The following SLC25A48 variants were observed in gnomAD, a reference collection of about 807,000 sequenced individuals.
SLC25A48 encodes solute carrier family 25 member 48, also known as CTC-321K16.1.
In SLC25A48, 29 loss-of-function variants were observed where a neutral mutation model predicts 32.2. That is an observed-to-expected ratio of 0.90 (90% CI 0.67 to 1.23). The LOEUF is 1.23. SLC25A48 is among the 50% of genes most tolerant of loss of function. The probability of loss-of-function intolerance (pLI) is 0.00; values close to 1 mark genes in which losing one functional copy is unlikely to be tolerated. For synonymous variants in SLC25A48, 164 were observed against 172.3 expected, an observed-to-expected ratio of 0.95 and a Z score of 0.38; for missense variants, 399 against 422.7, an observed-to-expected ratio of 0.94 and a Z score of 0.49.
intron 4 of SLC25A48, among the ~76,000 whole-genome samples, chr5:135,853,917 A>G (rs968656896): frequency 1.9e-4 from 29 of 152,182 alleles, no homozygotes; most frequent in African/African-American, 6.8e-4. Context: ...GGAAGTCAAA[A>G]TCACTCCTTG....
upstream of SLC25A48, among the ~76,000 whole-genome samples, chr5:135,830,480 C>T (rs909920927): frequency 6.6e-6 from 1 of 152,216 alleles, no homozygotes; most frequent in Non-Finnish European, 1.5e-5. Context: ...AGCTTTCCCG[C>T]CAGCTGCTTC....
At chr5:135,622,711 T>G (rs1178960927) in intron 1 of SLC25A48, among the ~76,000 whole-genome samples, 1 of 152,270 alleles carries the variant, frequency 6.6e-6, no homozygotes, top group Non-Finnish European at 1.5e-5. Flanking sequence ...TTTTATGTTC[T>G]TTACACATTT....
intron 3 of SLC25A48, among the ~76,000 whole-genome samples, chr5:135,662,372 A>G (rs761154487): frequency 1.3e-5 from 2 of 152,198 alleles, no homozygotes; most frequent in African/African-American, 4.8e-5. Context: ...CAGTCACTGC[A>G]GTCCCCAGAG....
intron 1 of SLC25A48, among the ~76,000 whole-genome samples, chr5:135,607,086 TTCC>T (rs1751954845): frequency 6.6e-6 from 1 of 152,124 alleles, no homozygotes; most frequent in South Asian, 2.1e-4. Flanking sequence ...GTTAACATAT[TTCC>T]TCCTCCTTCT....
chr5:135,592,258 G>A (rs906100843), intron 1 of SLC25A48, among the ~76,000 whole-genome samples: 2 of 152,210 alleles, frequency 1.3e-5, no homozygotes, highest in African/African-American at 2.4e-5. Flanking sequence ...CCTACTAAGC[G>A]CTGAGCCCTT....
At chr5:135,729,915 A>G (rs4976308) in intron 3 of SLC25A48, among the ~76,000 whole-genome samples, 109,510 of 152,064 alleles carry the variant, frequency 0.72, 40,965 homozygotes, top group Middle Eastern at 0.85. Flanking sequence ...GATGTTATAC[A>G]TTCATTATAT....
At chr5:135,854,218 G>A (rs1486565842) in intron 4 of SLC25A48, among the ~76,000 whole-genome samples, 1 of 152,204 alleles carries the variant, frequency 6.6e-6, no homozygotes, top group Non-Finnish European at 1.5e-5. Context: ...AGAATGGTAA[G>A]TGAGCACTGG....
At chr5:135,647,376 G>A (rs190215269) in intron 3 of SLC25A48, among the ~76,000 whole-genome samples, 22 of 152,130 alleles carry the variant, frequency 1.4e-4, no homozygotes, top group African/African-American at 5.1e-4. Flanking sequence ...AGAATCCCAG[G>A]GACAGGAGCT....
chr5:135,876,743 T>C (rs1369142423), intron 6 of SLC25A48, among the ~76,000 whole-genome samples: 1 of 152,216 alleles, frequency 6.6e-6, no homozygotes, highest in Non-Finnish European at 1.5e-5. Flanking sequence ...TGTTTACTTA[T>C]GAACATAAAT....
At chr5:135,707,872 G>C (rs886451257) in intron 3 of SLC25A48, among the ~76,000 whole-genome samples, 1 of 152,176 alleles carries the variant, frequency 6.6e-6, no homozygotes, top group African/African-American at 2.4e-5. Context: ...GCTGGACTCT[G>C]GTGCCTGGCA....
chr5:135,808,585 C>A (rs1276252967), intron 3 of SLC25A48, among the ~76,000 whole-genome samples: 2 of 152,018 alleles, frequency 1.3e-5, no homozygotes, highest in African/African-American at 4.8e-5. Flanking sequence ...TGTGACATCC[C>A]ATCTTAGAAA....
At chr5:135,703,018 G>A (rs1754428491) in intron 3 of SLC25A48, among the ~76,000 whole-genome samples, 1 of 152,062 alleles carries the variant, frequency 6.6e-6, no homozygotes, top group Admixed American at 6.5e-5. Flanking sequence ...CATCAGCGCT[G>A]GAAAATAAAA....
chr5:135,792,161 G>A (rs901263520), intron 3 of SLC25A48, among the ~76,000 whole-genome samples: 2 of 151,744 alleles, frequency 1.3e-5, no homozygotes, highest in African/African-American at 4.8e-5. Flanking sequence ...TACTCCTAAT[G>A]TAACTTGGGT....
chr5:135,661,172 C>A (rs1753386123), intron 3 of SLC25A48, among the ~76,000 whole-genome samples: 1 of 152,210 alleles, frequency 6.6e-6, no homozygotes, highest in Admixed American at 6.5e-5. Context: ...TCCCTAGCTC[C>A]CTCACCAGCT....
intron 4 of SLC25A48, among the ~76,000 whole-genome samples, chr5:135,814,950 A>G (rs1450464304): frequency 6.6e-6 from 1 of 152,170 alleles, no homozygotes; most frequent in African/African-American, 2.4e-5. Context: ...CCCACAGAGT[A>G]CTGTGGGTTC....
chr5:135,822,686 T>A (rs920662295), intron 4 of SLC25A48, among the ~76,000 whole-genome samples: 1 of 152,220 alleles, frequency 6.6e-6, no homozygotes, highest in African/African-American at 2.4e-5. Context: ...AATAAGGTCA[T>A]ATCCACAAGT....
intron 3 of SLC25A48, among the ~76,000 whole-genome samples, chr5:135,791,033 CAT>C (rs543103469): frequency 6.6e-6 from 1 of 151,796 alleles, no homozygotes; most frequent in African/African-American, 2.4e-5. Flanking sequence ...GTGTGTACAA[CAT>C]ATGTGTTCAC....
chr5:135,840,296 G>T (rs1198339857), intron 1 of SLC25A48, among the ~76,000 whole-genome samples: 1 of 152,182 alleles, frequency 6.6e-6, no homozygotes. Flanking sequence ...CAGGAGGTAG[G>T]TGCTGTTATT....
In SLC25A48 at chr5:135,714,168, C is replaced by T. The variant is rs114720854; in HGVS notation, c.-521+79212C>T. ...GAGGTGTGGCCAGAGTGCAGAGAGG[C>T]GCATCGGCTGAGGGGTTGGCATGCC... On this transcript the variant is annotated intron_variant, in intron 3 of 10. Coordinates refer to the SLC25A48 transcript ENST00000646290. Among the ~76,000 whole-genome samples, 781 of 152,246 alleles carry T rather than the reference C, an allele frequency of 5.1e-3. 6 individuals are homozygous for T. Among genetic ancestry groups the T allele is most frequent in the African/African-American group, 0.018 (739 of 41,540 alleles).
Sources: gnomAD v4.1 joint callset for allele counts (sites outside exome capture counted in the v4.1 genomes callset) on GRCh38, gnomAD v4.1.1 for gene constraint, MANE v1.5 for transcripts, NCBI Gene and HGNC (gene_info 2026-07-23, HGNC 2026-07-21) for gene names.